GRB10: variants seen among roughly 807,000 people sequenced by gnomAD.
GRB10 encodes growth factor receptor bound protein 10.
Under a neutral mutation model 80.9 loss-of-function variants are expected in GRB10, and 20 were observed. The ratio of observed to expected loss-of-function variants is 0.25; its 90% CI spans 0.17 to 0.36. GRB10 has a LOEUF of 0.36. Among genes scored for constraint, GRB10 ranks in the 10% least tolerant of loss-of-function variants. GRB10 has a pLI of 1.00. For synonymous variants in GRB10, 291 were observed against 291.5 expected (o/e 1.00, Z 0.02); for missense variants, 548 against 747.7 (o/e 0.73, Z 3.12).
In GRB10 at chr7:50,653,263, A is replaced by G. The variant is rs116678501; in HGVS notation, c.504+16459T>C. Among the ~76,000 whole-genome samples the G allele has an allele frequency of 2.5e-3, 376 of 152,288 alleles. 1 individual carries two copies. The highest frequency in any genetic ancestry group is 8.6e-3 in the African/African-American group (356 of 41,544). On this transcript the variant is annotated intron_variant, in intron 7 of 18. Coordinates refer to ENST00000401949, the MANE Select transcript of GRB10 (RefSeq NM_001350814.2). ...AGGGAGGACTGTGTGGTGGGGCAGC[A>G]GGAGGTAGCCACAGCAGGAAGAGTC...
chr7:50,737,954 A>G (rs2071095768), intron 3 of GRB10, among the ~76,000 whole-genome samples: 1 of 152,234 alleles, frequency 6.6e-6, no homozygotes, highest in Non-Finnish European at 1.5e-5. Flanking sequence ...AAAAAGGCAC[A>G]AAGGGCTTGA....
At chr7:50,619,923 C>A (rs754296945) in intron 8 of GRB10, among the ~76,000 whole-genome samples, 1 of 149,218 alleles carries the variant, frequency 6.7e-6, no homozygotes, top group Non-Finnish European at 1.5e-5. Context: ...GCTGTGGACA[C>A]GTACACACAC....
rs145032329 is a variant in GRB10 at position 50,717,791 on chromosome 7, G to A, written c.52-13883C>T. Among the ~76,000 whole-genome samples the A allele has an allele frequency of 2.6e-4, 40 of 152,350 alleles. No homozygotes were observed. In the East Asian group the frequency reaches 7.0e-3, roughly 27 times the overall value. On this transcript the variant is annotated intron_variant, in intron 4 of 18. Transcript: ENST00000401949. ...TAGCCAAGGCCTCATTCTCTGAAAT[G>A]AGGTTCTTGGGGTCTCTGGACCCAT...
At chr7:50,602,661 C>G (rs148494031) in intron 17 of GRB10, among the ~76,000 whole-genome samples, 210 of 152,240 alleles carry the variant, frequency 1.4e-3, no homozygotes, top group African/African-American at 4.5e-3. Flanking sequence ...ATCTAAATGC[C>G]ATTTGTGGGT....
intron 13 of GRB10, among the ~76,000 whole-genome samples, chr7:50,609,908 T>C (rs753705378): frequency 6.6e-6 from 1 of 152,244 alleles, no homozygotes; most frequent in African/African-American, 2.4e-5. Flanking sequence ...TTCTCCTATG[T>C]AGACCCAAGT....
intron 2 of GRB10, among the ~76,000 whole-genome samples, chr7:50,774,705 T>A (rs1200725214): frequency 1.3e-5 from 2 of 152,142 alleles, no homozygotes; most frequent in African/African-American, 4.8e-5. Flanking sequence ...CCCCCAAATT[T>A]ATGTCTTTCT....
intron 7 of GRB10, among the ~76,000 whole-genome samples, chr7:50,665,130 T>C (rs749410583): frequency 1.3e-5 from 2 of 152,222 alleles, no homozygotes; most frequent in Non-Finnish European, 2.9e-5. Context: ...CTGTCACCTC[T>C]AACAGACACT....
At position 50,674,617 on chromosome 7, in the gene GRB10, C is replaced by T; in HGVS notation, c.181G>A (p.Ala61Thr). ...GCCGAGTACAGGCTCTCCAGGGATG[C>T]ATTCATATCGTTCACCAGGGCTTCC... ...DLEALVNDMN[A>T]SLESLYSACS... The change falls in exon 6 of 19, where the codon GCA becomes ACA. Residue 61 changes from alanine to threonine, a missense_variant. Physicochemically the swap from Ala to Thr is moderately conservative, Grantham distance 58 (BLOSUM62 0). Coordinates refer to ENST00000401949, the MANE Select transcript of GRB10 (RefSeq NM_001350814.2). The T allele has an allele frequency of 1.9e-6, 3 of 1,613,828 alleles. No individual in the cohort carries two copies. The highest frequency in any genetic ancestry group is 2.5e-6 in the Non-Finnish European group (3 of 1,180,036).
chr7:50,668,046 C>A lies in GRB10; in HGVS notation c.504+1676G>T, dbSNP rs548139189. On this transcript the variant is annotated intron_variant, in intron 7 of 18. Transcript: ENST00000401949. The stretch of plus-strand genomic sequence containing the variant: ...GAAGGTCACCAGCGAGGTAGACATC[C>A]CAGATGCACTTTAGACATGTGACAA... Among the ~76,000 whole-genome samples, 9 of 152,304 alleles carry A rather than the reference C, an allele frequency of 5.9e-5. No homozygotes were observed. In the South Asian group the frequency reaches 1.9e-3, roughly 32 times the overall value.
rs115226497 is a variant in GRB10 at position 50,594,135 on chromosome 7, C to T, written c.1639-1037G>A. On this transcript the variant is annotated intron_variant, in intron 18 of 18. Transcript: ENST00000401949. ...CAGCACTTTCCCTAGGACAGTAATT[C>T]CTGTATTTGCATATAAGGTTGGCTG... Among the ~76,000 whole-genome samples, 655 of 152,244 alleles carry T rather than the reference C, an allele frequency of 4.3e-3. 7 individuals are homozygous for T. Among genetic ancestry groups the T allele is most frequent in the African/African-American group, 0.015 (634 of 41,536 alleles).
Position 50,616,325 on chromosome 7 carries a change from C to T in GRB10, c.869G>A (p.Cys290Tyr), listed in dbSNP as rs934547821. 6.2e-7 allele frequency: 1 copy of T among 1,614,120 alleles called. No individual in the cohort carries two copies. The highest frequency in any genetic ancestry group is 8.5e-7 in the Non-Finnish European group (1 of 1,179,970). Residue 290 changes from cysteine (C) to tyrosine (Y), a missense_variant, in exon 11 of 19, where the codon TGT becomes TAT. Around this residue, in one of 4 missense-constraint regions of GRB10, gnomAD observed 270 missense variants for 433.6 expected, o/e 0.62. Transcript: ENST00000401949. ...LLQNFLNSSS[C>Y]PEIQGFLHVK... is the part of the protein sequence containing the mutation. ...ATGCAAAAACCCTTGAATTTCAGGA[C>T]AACTACTGGAGTTCAGAAAATTCTG...
At chr7:50,783,386 C>T (rs1384966334), upstream of GRB10, among the ~76,000 whole-genome samples, 1 of 151,966 alleles carries the variant, frequency 6.6e-6, no homozygotes, top group African/African-American at 2.4e-5. Context: ...ACATACCAAG[C>T]ATCTGCTATG....
intron 3 of GRB10, among the ~76,000 whole-genome samples, chr7:50,740,250 T>C (rs2071474547): frequency 6.6e-6 from 1 of 152,166 alleles, no homozygotes; most frequent in Admixed American, 6.5e-5. Flanking sequence ...TGGCACACCA[T>C]TCTAGCTCAT....
intron 5 of GRB10, among the ~76,000 whole-genome samples, chr7:50,685,281 G>A (rs901273772): frequency 1.3e-5 from 2 of 152,168 alleles, no homozygotes; most frequent in East Asian, 1.9e-4. Context: ...CTTAAGCAAC[G>A]ATCTTTGGAA....
At chr7:50,733,267 G>T (rs1216609821) in intron 3 of GRB10, among the ~76,000 whole-genome samples, 1 of 152,164 alleles carries the variant, frequency 6.6e-6, no homozygotes, top group Non-Finnish European at 1.5e-5. Flanking sequence ...CAAATCGGCC[G>T]ATACCTTTGA....
intron 3 of GRB10, among the ~76,000 whole-genome samples, chr7:50,736,899 T>C (rs2070888431): frequency 6.6e-6 from 1 of 152,070 alleles, no homozygotes; most frequent in South Asian, 2.1e-4. Flanking sequence ...TCAAAATGTA[T>C]GAAAGACCTA....
chr7:50,627,101 T>C, intron 7 of GRB10, 123 bp from the exon 8 acceptor site: 2 of 1,015,476 alleles, frequency 2.0e-6, no homozygotes, highest in Non-Finnish European at 3.1e-6. Flanking sequence ...GCAACTGTTT[T>C]TCCAGGCAGC....
chr7:50,683,136 T>C (rs1161125898), intron 5 of GRB10, among the ~76,000 whole-genome samples: 1 of 152,146 alleles, frequency 6.6e-6, no homozygotes, highest in Admixed American at 6.5e-5. Flanking sequence ...TGGAATATTA[T>C]TCAGCCACAA....
intron 5 of GRB10, among the ~76,000 whole-genome samples, chr7:50,698,638 T>C (rs1194285289): frequency 6.6e-6 from 1 of 152,218 alleles, no homozygotes; most frequent in Non-Finnish European, 1.5e-5. Flanking sequence ...ATATCTATTC[T>C]GGTCCTTTGG....
Sources: gnomAD v4.1 joint callset for allele counts (sites outside exome capture counted in the v4.1 genomes callset) on GRCh38, gnomAD v4.1.1 for gene constraint, gnomAD v4.1.1 regional missense constraint, MANE v1.5 for transcripts, NCBI Gene and HGNC (gene_info 2026-07-23, HGNC 2026-07-21) for gene names.